The following CA10 variants were observed in gnomAD, a reference collection of about 807,000 sequenced individuals.
CA10 encodes the protein carbonic anhydrase-related protein 10.
A neutral mutation model predicts 44.2 loss-of-function variants in CA10; 14 were observed. The ratio of observed to expected loss-of-function variants is 0.32; its 90% CI spans 0.21 to 0.50. The LOEUF (loss-of-function observed/expected upper bound fraction) is 0.50, where lower values mean the gene tolerates loss of function less well. Ranked by LOEUF, CA10 falls within the 20% of genes least tolerant of loss-of-function variation. The pLI, the probability that CA10 is intolerant of heterozygous loss-of-function variation, is 0.99. For missense variants in CA10, 350 were observed against 409.7 expected, an observed-to-expected ratio of 0.85 and a Z score of 1.26; for synonymous variants, 159 against 141.6, an observed-to-expected ratio of 1.12 and a Z score of -0.87.
At chr17:51,721,223 T>C (rs1437302749) in intron 4 of CA10, among the ~76,000 whole-genome samples, 1 of 152,028 alleles carries the variant, frequency 6.6e-6, no homozygotes, top group Non-Finnish European at 1.5e-5. Flanking sequence ...TCCCAGCTAC[T>C]GGGGAGGCTG....
chr17:51,703,697 A>T (rs932245113), intron 4 of CA10, among the ~76,000 whole-genome samples: 4 of 152,204 alleles, frequency 2.6e-5, no homozygotes, highest in Non-Finnish European at 5.9e-5. Context: ...GTGGCAAAGG[A>T]TGGGCTCCTG....
chr17:51,947,584 G>A (rs1409322587), intron 2 of CA10, among the ~76,000 whole-genome samples: 5 of 152,190 alleles, frequency 3.3e-5, no homozygotes, highest in African/African-American at 7.2e-5. Flanking sequence ...CAGAGGTCCT[G>A]TTGGAGCTAG....
intron 2 of CA10, among the ~76,000 whole-genome samples, chr17:51,980,024 A>G (rs756101179): frequency 6.6e-6 from 1 of 152,122 alleles, no homozygotes; most frequent in Non-Finnish European, 1.5e-5. Flanking sequence ...AGAATGATCT[A>G]TATTCTTCTG....
At chr17:51,823,690 T>C (rs1907901997) in intron 3 of CA10, among the ~76,000 whole-genome samples, 2 of 152,190 alleles carry the variant, frequency 1.3e-5, no homozygotes, top group African/African-American at 4.8e-5. Flanking sequence ...GTCTGTGCAG[T>C]TAGTGCTCTT....
chr17:51,678,222 T>G (rs1238516630), intron 4 of CA10, among the ~76,000 whole-genome samples: 1 of 151,934 alleles, frequency 6.6e-6, no homozygotes, highest in Non-Finnish European at 1.5e-5. Context: ...AAGGGAGAAA[T>G]GGGAGTGACT....
intron 3 of CA10, among the ~76,000 whole-genome samples, chr17:51,872,566 A>T (rs1321164427): frequency 6.6e-6 from 1 of 152,192 alleles, no homozygotes; most frequent in African/African-American, 2.4e-5. Context: ...ATCTCAATAC[A>T]TGTCAGAACT....
chr17:51,765,538 C>T (rs1183019109), intron 3 of CA10, among the ~76,000 whole-genome samples: 1 of 152,144 alleles, frequency 6.6e-6, no homozygotes, highest in Non-Finnish European at 1.5e-5. Context: ...GTTTGTGTGG[C>T]AGATATTGTC....
chr17:51,717,708 TAC>T lies in CA10; in HGVS notation c.465+29923_465+29924del, dbSNP rs1224930288. Among the ~76,000 whole-genome samples the T allele has an allele frequency of 3.8e-3, 151 of 40,056 alleles. 19 individuals are homozygous for T. The highest frequency in any genetic ancestry group is 4.6e-3 in the Admixed American group (13 of 2,802). The allele number at this position is 40,056 out of a possible 152,430, so 26.3% of individuals were successfully genotyped here. A position where few individuals can be genotyped will look rare whatever the true frequency, so the allele number is the denominator to read the frequency against. On this transcript the variant is annotated intron_variant, in intron 4 of 8. Coordinates refer to ENST00000451037, the MANE Select transcript of CA10 (RefSeq NM_020178.5). ...ATGTATACATATATGCATGTATATATACATATATACGTATATATACATATATA... is the reference window on the plus strand; with the variant it reads ...ATGTATACATATATGCATGTATATATATATATACGTATATATACATATATA...
chr17:52,153,772 T>C (rs1487665184), intron 1 of CA10, among the ~76,000 whole-genome samples: 1 of 152,194 alleles, frequency 6.6e-6, no homozygotes, highest in Non-Finnish European at 1.5e-5. Flanking sequence ...CTATACAATG[T>C]CAGATTTGTA....
intron 3 of CA10, among the ~76,000 whole-genome samples, chr17:51,796,921 GA>G (rs1906730719): frequency 6.6e-6 from 1 of 152,170 alleles, no homozygotes; most frequent in Non-Finnish European, 1.5e-5. Flanking sequence ...TGTCTTTAAA[GA>G]TGAGGATAAT....
Position 51,878,893 on chromosome 17 carries a change from GGTGTGT to G in CA10, c.279+52091_279+52096del, listed in dbSNP as rs375444434. 5.5e-3 allele frequency among the ~76,000 whole-genome samples: 287 copies of G among 52,358 alleles called. 25 individuals carry two copies. The highest frequency in any genetic ancestry group is 0.018 in the African/African-American group (277 of 15,044). The allele number at this position is 52,358 out of a possible 152,430, so 34.3% of individuals were successfully genotyped here. On this transcript the variant is annotated intron_variant, in intron 3 of 8. Coordinates refer to ENST00000451037, the MANE Select transcript of CA10 (RefSeq NM_020178.5). ...ATATATATATATATATATATATATG[GGTGTGT>G]GTGTGTGTGTGTGTATGTGTGTATG... is the stretch of plus-strand genomic sequence containing the variant.
rs564779417 is a variant in CA10, at chr17:51,927,311, A to G, written c.279+3679T>C. 2.0e-5 allele frequency among the ~76,000 whole-genome samples: 3 copies of G among 152,294 alleles called. No individual in the cohort carries two copies. The South Asian group carries it at 6.2e-4, about 32-fold the overall frequency. The stretch of plus-strand genomic sequence containing the variant: ...TGTCTATTTTATTAAATGAGTTAAA[A>G]GATGAGAAAAGATGACGGAACTGAG... On this transcript the variant is annotated intron_variant, in intron 3 of 8. Transcript: ENST00000451037.
At chr17:52,074,279 T>TA (rs1198438954) in intron 1 of CA10, among the ~76,000 whole-genome samples, 63 of 152,192 alleles carry the variant, frequency 4.1e-4, no homozygotes, top group Non-Finnish European at 2.2e-4. Context: ...GATAATTCTC[T>TA]AAACTTCAGC....
intron 3 of CA10, among the ~76,000 whole-genome samples, chr17:51,858,835 G>T (rs1382884668): frequency 6.6e-6 from 1 of 152,066 alleles, no homozygotes; most frequent in Non-Finnish European, 1.5e-5. Context: ...GCCATATGAT[G>T]CAGTGATTAA....
chr17:51,702,594 C>T (rs559901430), intron 4 of CA10, among the ~76,000 whole-genome samples: 12 of 152,342 alleles, frequency 7.9e-5, no homozygotes, highest in East Asian at 1.9e-4. Context: ...ACTCCCTCTC[C>T]GCCTTTCTCT....
intron 1 of CA10, among the ~76,000 whole-genome samples, chr17:52,094,924 A>C (rs1988366034): frequency 6.6e-6 from 1 of 152,166 alleles, no homozygotes; most frequent in Non-Finnish European, 1.5e-5. Flanking sequence ...AGTTGATAAA[A>C]ACTACAAATT....
intron 3 of CA10, among the ~76,000 whole-genome samples, chr17:51,881,026 A>C (rs965152019): frequency 1.3e-5 from 2 of 152,036 alleles, no homozygotes; most frequent in African/African-American, 4.8e-5. Flanking sequence ...TCATGAGGTC[A>C]GGAGATCGAG....
chr17:52,021,129 A>C (rs765422513), intron 2 of CA10, among the ~76,000 whole-genome samples: 2 of 152,096 alleles, frequency 1.3e-5, no homozygotes, highest in Non-Finnish European at 2.9e-5. Context: ...AGTTGAATAA[A>C]AGTTATGGAA....
intron 3 of CA10, among the ~76,000 whole-genome samples, chr17:51,854,717 GC>G (rs66886114): frequency 0.063 from 9,563 of 152,096 alleles, 644 homozygotes; most frequent in African/African-American, 0.17. Context: ...AAGGCTTCTG[GC>G]CACGTGGCTT....
Sources: allele counts gnomAD v4.1 joint callset (sites outside exome capture counted in the v4.1 genomes callset), GRCh38; gene constraint gnomAD v4.1.1; transcripts MANE v1.5; gene names NCBI Gene and HGNC (gene_info 2026-07-23, HGNC 2026-07-21).